The following BNC2 variants were observed in gnomAD, a reference collection of about 807,000 sequenced individuals.
The protein encoded by BNC2 is basonuclin zinc finger protein 2.
BNC2 carries 20 observed loss-of-function variants against 76.3 expected under a neutral mutation model. The observed-to-expected ratio is 0.26, with a 90% CI of 0.18 to 0.38. The LOEUF (loss-of-function observed/expected upper bound fraction) is 0.38. Ranked by LOEUF, BNC2 falls within the 10% of genes least tolerant of loss-of-function variation. The pLI is 1.00. For missense variants in BNC2, 1,382 were observed against 1,399.8 expected (o/e 0.99, Z 0.20); for synonymous variants, 582 against 514.8 (o/e 1.13, Z -1.77).
intron 3 of BNC2, among the ~76,000 whole-genome samples, chr9:16,691,695 G>C (rs940599471): frequency 7.2e-5 from 11 of 151,868 alleles, no homozygotes; most frequent in African/African-American, 2.4e-4. Flanking sequence ...ATTTTTAATA[G>C]AGATGGGGTT....
At chr9:16,470,479 G>A (rs1276462785) in intron 5 of BNC2, among the ~76,000 whole-genome samples, 1 of 152,214 alleles carries the variant, frequency 6.6e-6, no homozygotes, top group Non-Finnish European at 1.5e-5. Context: ...TCCATGCCAT[G>A]TCAGAGAACT....
At chr9:16,470,422 G>A (rs1821797705) in intron 5 of BNC2, among the ~76,000 whole-genome samples, 1 of 152,196 alleles carries the variant, frequency 6.6e-6, no homozygotes, top group Non-Finnish European at 1.5e-5. Flanking sequence ...ATTTGCATAA[G>A]CAGCAAGGAG....
At chr9:16,735,967 C>G (rs1221590144) in intron 2 of BNC2, among the ~76,000 whole-genome samples, 2 of 151,874 alleles carry the variant, frequency 1.3e-5, no homozygotes, top group Non-Finnish European at 2.9e-5. Context: ...GGTGCGGTGG[C>G]TCACACCTGT....
At chr9:16,765,942 A>G (rs10962575) in intron 1 of BNC2, among the ~76,000 whole-genome samples, 2 of 151,870 alleles carry the variant, frequency 1.3e-5, no homozygotes, top group Non-Finnish European at 2.9e-5. Flanking sequence ...GCTCGCCACC[A>G]CGCCTGGCTA....
chr9:16,451,007 C>G (rs1453020350), intron 5 of BNC2, among the ~76,000 whole-genome samples: 1 of 152,194 alleles, frequency 6.6e-6, no homozygotes, highest in African/African-American at 2.4e-5. Flanking sequence ...ATTTATTTAA[C>G]TATCTAGGCT....
chr9:16,655,606 A>T (rs907077844), intron 3 of BNC2, among the ~76,000 whole-genome samples: 1 of 152,254 alleles, frequency 6.6e-6, no homozygotes, highest in African/African-American at 2.4e-5. Flanking sequence ...AATTAAATGA[A>T]TGAATCAGAC....
chr9:16,708,028 G>A (rs899327844), intron 3 of BNC2, among the ~76,000 whole-genome samples: 3 of 152,118 alleles, frequency 2.0e-5, no homozygotes, highest in African/African-American at 4.8e-5. Context: ...CAAATACCAC[G>A]ATGAAAACTA....
chr9:16,559,277 C>A (rs1467719486), intron 4 of BNC2, among the ~76,000 whole-genome samples: 2 of 150,924 alleles, frequency 1.3e-5, no homozygotes, highest in Admixed American at 6.6e-5. Flanking sequence ...TTTTTTTTTG[C>A]CATTTATTTT....
chr9:16,767,608 T>G (rs1825733330), intron 1 of BNC2, among the ~76,000 whole-genome samples: 1 of 152,170 alleles, frequency 6.6e-6, no homozygotes, highest in Non-Finnish European at 1.5e-5. Context: ...ATGAGAGGGT[T>G]GTATGCTCTG....
chr9:16,423,904 C>A (rs748944657), intron 6 of BNC2, among the ~76,000 whole-genome samples: 1 of 152,082 alleles, frequency 6.6e-6, no homozygotes, highest in Non-Finnish European at 1.5e-5. Context: ...CCCTTAAAAG[C>A]AAAAAGTTAC....
intron 1 of BNC2, among the ~76,000 whole-genome samples, chr9:16,750,621 C>T (rs1825162658): frequency 1.3e-5 from 2 of 152,200 alleles, no homozygotes; most frequent in African/African-American, 4.8e-5. Context: ...CAGATTTCTA[C>T]AACAGAATAT....
chr9:16,762,217 T>G (rs889633128), intron 1 of BNC2, among the ~76,000 whole-genome samples: 1 of 152,242 alleles, frequency 6.6e-6, no homozygotes, highest in African/African-American at 2.4e-5. Context: ...TGGAAGTACC[T>G]CACCTTCTGG....
At chr9:16,782,267 G>C (rs1214002172) in intron 1 of BNC2, among the ~76,000 whole-genome samples, 1 of 151,858 alleles carries the variant, frequency 6.6e-6, no homozygotes, top group East Asian at 1.9e-4. Flanking sequence ...CCTGGTGACA[G>C]AGCAAGACTC....
chr9:16,727,796 C>T lies in BNC2; in HGVS notation c.330+1G>A. Reference sequence around the variant, plus strand: ...AAAAATCAAGAAAGAAAGTAACTTACCTGTTGGGACATTCTGAATAAGAGG... The same window carrying T: ...AAAAATCAAGAAAGAAAGTAACTTATCTGTTGGGACATTCTGAATAAGAGG... On this transcript the variant is annotated splice_donor_variant, in intron 3 of 6. Coordinates refer to ENST00000380672, the MANE Select transcript of BNC2 (RefSeq NM_017637.6). LOFTEE classifies it high-confidence loss of function. The T allele has an allele frequency of 6.2e-7, 1 of 1,611,852 alleles. No homozygotes were observed. The highest frequency in any genetic ancestry group is 8.5e-7 in the Non-Finnish European group (1 of 1,178,772).
Position 16,626,693 on chromosome 9 carries a change from A to G in BNC2, c.331-43608T>C, listed in dbSNP as rs181674653. ...GTAAAAGGCAAACACACACACACAC[A>G]CACACACCCTGTATTCTCTTTTCTT... On this transcript the variant is annotated intron_variant, in intron 3 of 6. Coordinates refer to ENST00000380672, the MANE Select transcript of BNC2 (RefSeq NM_017637.6). Among the ~76,000 whole-genome samples, 102 of 152,200 alleles carry G rather than the reference A, an allele frequency of 6.7e-4. 1 individual carries two copies. The East Asian group carries it at 0.016, about 24-fold the overall frequency.
chr9:16,636,900 T>C (rs1224401354), intron 3 of BNC2, among the ~76,000 whole-genome samples: 1 of 152,012 alleles, frequency 6.6e-6, no homozygotes, highest in Non-Finnish European at 1.5e-5. Flanking sequence ...ATTTAAATCA[T>C]TTGTCCTATA....
chr9:16,435,444 T>C (rs2130842953), intron 6 of BNC2, 111 bp downstream of exon 6: 3 of 1,309,436 alleles, frequency 2.3e-6, no homozygotes, highest in East Asian at 4.6e-5. Context: ...GGACAATCTT[T>C]ACAGTGCACC....
chr9:16,724,731 G>A (rs538810637), intron 3 of BNC2, among the ~76,000 whole-genome samples: 1 of 152,014 alleles, frequency 6.6e-6, no homozygotes. Flanking sequence ...AAAAGACAAA[G>A]ATTTTTGTAT....
At chr9:16,550,436 T>C (rs1051264174) in intron 5 of BNC2, among the ~76,000 whole-genome samples, 2 of 152,216 alleles carry the variant, frequency 1.3e-5, no homozygotes, top group Non-Finnish European at 2.9e-5. Flanking sequence ...GCATTAGAGA[T>C]ATGTTCACAA....
Sources: allele counts gnomAD v4.1 joint callset (sites outside exome capture counted in the v4.1 genomes callset), GRCh38; gene constraint gnomAD v4.1.1; transcripts MANE v1.5; gene names NCBI Gene and HGNC (gene_info 2026-07-23, HGNC 2026-07-21).